The following ATP2B1 variants were observed in gnomAD, a reference collection of about 807,000 sequenced individuals.
ATP2B1 encodes plasma membrane calcium-transporting ATPase 1.
ATP2B1 carries 14 observed loss-of-function variants against 124.2 expected under a neutral mutation model. That is an observed-to-expected ratio of 0.11 (90% CI 0.07 to 0.18). ATP2B1 has a LOEUF of 0.18. Ranked by LOEUF, ATP2B1 falls within the 10% of genes least tolerant of loss-of-function variation. The pLI is 1.00. For missense variants in ATP2B1, 763 were observed against 1,466.1 expected, an observed-to-expected ratio of 0.52 and a Z score of 7.83; for synonymous variants, 449 against 492.4, an observed-to-expected ratio of 0.91 and a Z score of 1.17.
At chr12:89,617,965 GCCT>G (rs1252427829) in intron 11 of ATP2B1, among the ~76,000 whole-genome samples, 2 of 152,032 alleles carry the variant, frequency 1.3e-5, no homozygotes, top group Non-Finnish European at 2.9e-5. Flanking sequence ...CCTCTGAACA[GCCT>G]CCTCAATGTG....
At chr12:89,593,364 C>T (rs922967599) in intron 20 of ATP2B1, 2 of 151,962 alleles carry the variant, frequency 1.3e-5, no homozygotes, top group African/African-American at 4.8e-5. Context: ...AGCCAGCAAA[C>T]TTGATGGGTG....
rs770730112 is a variant in ATP2B1 at position 89,655,661 on chromosome 12, A to C, written c.208+18T>G. ...ACTCTTTGCACAAAGAACCAAAAAC[A>C]AGCATAATAAAACTCACCTTCATTG... is the stretch of plus-strand genomic sequence containing the variant. On this transcript the variant is annotated intron_variant, in intron 2 of 20. Coordinates refer to ENST00000428670, the MANE Select transcript of ATP2B1 (RefSeq NM_001366521.1). The C allele has an allele frequency of 3.1e-6, 5 of 1,609,976 alleles. No individual in the cohort carries two copies. Among genetic ancestry groups the C allele is most frequent in the Non-Finnish European group, 4.2e-6 (5 of 1,176,480 alleles).
At chr12:89,653,283 C>CTTTT (rs149270069) in intron 2 of ATP2B1, among the ~76,000 whole-genome samples, 5 of 76,116 alleles carry the variant, frequency 6.6e-5, no homozygotes, top group African/African-American at 1.5e-4. Context: ...GAATTTTTTT[C>CTTTT]TTTTTTTTTT....
At chr12:89,646,732 A>G (rs1884501147) in intron 2 of ATP2B1, among the ~76,000 whole-genome samples, 1 of 152,246 alleles carries the variant, frequency 6.6e-6, no homozygotes, top group African/African-American at 2.4e-5. Context: ...AGTGGGAATG[A>G]GCAAGTGGCA....
chr12:89,591,411 T>C (rs1873538208), intron 20 of ATP2B1, 116 bp from the exon 21 acceptor site: 1 of 876,574 alleles, frequency 1.1e-6, no homozygotes, highest in Non-Finnish European at 1.7e-6. Context: ...TATTTGCATG[T>C]AATGCAGTGG....
At position 89,603,952 on chromosome 12, in the gene ATP2B1, C is replaced by T. The variant is rs2135947393; in HGVS notation, c.2635-27G>A. Reference sequence around the variant, plus strand: ...TAGAAAAGATATGTTTCCTAATAGACATTCACAACTACTCAGGGGCTCAGC... The same window carrying T: ...TAGAAAAGATATGTTTCCTAATAGATATTCACAACTACTCAGGGGCTCAGC... On this transcript the variant is annotated intron_variant, in intron 16 of 20. Coordinates refer to ENST00000428670, the MANE Select transcript of ATP2B1 (RefSeq NM_001366521.1). This position sits in a 1 kb window ranked among gnomAD's most constrained non-coding sequence, Gnocchi z 4.3. The T allele has an allele frequency of 6.2e-7, 1 of 1,603,950 alleles. No individual in the cohort carries two copies. The highest frequency in any genetic ancestry group is 1.1e-5 in the South Asian group (1 of 90,518).
intron 10 of ATP2B1, 69 bp from the exon 11 acceptor site, chr12:89,620,309 C>T: frequency 6.6e-7 from 1 of 1,521,034 alleles, no homozygotes; most frequent in Non-Finnish European, 9.0e-7. Flanking sequence ...TAATGTAAAA[C>T]AGACTGCGAT....
intron 6 of ATP2B1, 141 bp downstream of exon 6, chr12:89,630,364 T>C: frequency 1.5e-6 from 1 of 683,956 alleles, no homozygotes; most frequent in Non-Finnish European, 2.2e-6. Context: ...TAAAGGCCCA[T>C]GCTATTAAGT....
At chr12:89,696,130 A>G (rs955686190) in intron 1 of ATP2B1, among the ~76,000 whole-genome samples, 1 of 152,250 alleles carries the variant, frequency 6.6e-6, no homozygotes, top group Non-Finnish European at 1.5e-5. Flanking sequence ...AGTGTCAAAC[A>G]TGTGAACAAC....
At chr12:89,700,364 T>C (rs1280654197) in intron 1 of ATP2B1, among the ~76,000 whole-genome samples, 1 of 152,128 alleles carries the variant, frequency 6.6e-6, no homozygotes, top group Non-Finnish European at 1.5e-5. Flanking sequence ...TTTAACTCAG[T>C]AGTTCTCCGC....
At chr12:89,619,954 G>C in intron 11 of ATP2B1, 45 bp downstream of exon 11, 1 of 1,601,804 alleles carries the variant, frequency 6.2e-7, no homozygotes, top group Non-Finnish European at 8.5e-7. Context: ...ACTCCATAAA[G>C]CAACTATAGT....
chr12:89,614,905 A>C (rs1012768805), intron 12 of ATP2B1, among the ~76,000 whole-genome samples: 1 of 152,150 alleles, frequency 6.6e-6, no homozygotes, highest in South Asian at 2.1e-4. Flanking sequence ...TCACTGCAAT[A>C]ATCTCATTAG....
At chr12:89,701,010 CTA>C (rs1447718926) in intron 1 of ATP2B1, among the ~76,000 whole-genome samples, 2 of 152,164 alleles carry the variant, frequency 1.3e-5, no homozygotes, top group South Asian at 2.1e-4. Context: ...AATTACTACT[CTA>C]TGTATCACTC....
chr12:89,610,767 T>G (rs572676410), intron 13 of ATP2B1: 29 of 419,470 alleles, frequency 6.9e-5, no homozygotes, highest in African/African-American at 5.3e-4. Flanking sequence ...AAAGCCACTG[T>G]TTTTATATAT....
chr12:89,614,309 A>C (rs1425030351), intron 12 of ATP2B1, among the ~76,000 whole-genome samples: 1 of 152,208 alleles, frequency 6.6e-6, no homozygotes, highest in African/African-American at 2.4e-5. Context: ...ACTGTACTCC[A>C]GCCTGGGCAA....
rs139765908 is a variant in ATP2B1, at chr12:89,691,087, G to C, written c.-222+17509C>G. 8.2e-3 allele frequency among the ~76,000 whole-genome samples: 1,252 copies of C among 152,184 alleles called. 19 individuals are homozygous for C. The highest frequency in any genetic ancestry group is 0.028 in the African/African-American group (1,164 of 41,530). Reference sequence around the variant, plus strand: ...GAGGCTCAACTGTGTACAGCAGAAAGAGCAGTGGACTAGAGTTAGACAGCT... The same window carrying C: ...GAGGCTCAACTGTGTACAGCAGAAACAGCAGTGGACTAGAGTTAGACAGCT... On this transcript the variant is annotated intron_variant, in intron 1 of 20. Coordinates refer to ENST00000428670, the MANE Select transcript of ATP2B1 (RefSeq NM_001366521.1).
intron 3 of ATP2B1, among the ~76,000 whole-genome samples, chr12:89,639,533 TTA>T (rs956788826): frequency 6.7e-6 from 1 of 150,310 alleles, no homozygotes; most frequent in Non-Finnish European, 1.5e-5. Flanking sequence ...TCTATATATT[TTA>T]TATATATATC....
chr12:89,625,498 A>G (rs1023603830), intron 8 of ATP2B1, among the ~76,000 whole-genome samples: 2 of 150,878 alleles, frequency 1.3e-5, no homozygotes, highest in African/African-American at 4.9e-5. Flanking sequence ...GCAGGAGGAT[A>G]ACCTGAGCCT....
At chr12:89,681,953 G>A (rs1889399276) in intron 1 of ATP2B1, among the ~76,000 whole-genome samples, 1 of 152,012 alleles carries the variant, frequency 6.6e-6, no homozygotes, top group East Asian at 1.9e-4. Flanking sequence ...TAAGAATTAG[G>A]AAGGAAAAAT....
Sources: allele counts gnomAD v4.1 joint callset (sites outside exome capture counted in the v4.1 genomes callset), GRCh38; gene constraint gnomAD v4.1.1; non-coding constraint Gnocchi (gnomAD v3.1); transcripts MANE v1.5; gene names NCBI Gene and HGNC (gene_info 2026-07-23, HGNC 2026-07-21).